KANK2: variants seen among roughly 807,000 people sequenced by gnomAD.
The protein encoded by KANK2 is KN motif and ankyrin repeat domains 2.
A neutral mutation model predicts 74.6 loss-of-function variants in KANK2; 41 were observed. The observed-to-expected ratio is 0.55, with a 90% CI of 0.43 to 0.71. The LOEUF (loss-of-function observed/expected upper bound fraction) is 0.71. KANK2 is among the 30% of genes least tolerant of loss of function. The probability of loss-of-function intolerance (pLI) is 0.00; values close to 1 mark genes in which losing one functional copy is unlikely to be tolerated. For synonymous variants in KANK2, 537 were observed against 519.0 expected (o/e 1.03, Z -0.47); for missense variants, 1,148 against 1,196.4 (o/e 0.96, Z 0.60).
rs2078891298 is a variant in KANK2 at position 11,192,834 on chromosome 19, C to T, written c.1246G>A (p.Ala416Thr). ...SITERSCDGA[A>T]GLPEVPAESS... ...CTGCCTGCCTGCGACCGCTTACCTG[C>T]TGCTCCATCGCAGCTTCGCTCTGTG... is the stretch of plus-strand genomic sequence containing the variant. Residue 416 changes from alanine to threonine, a missense_variant, in exon 4 of 13, where the codon GCA (alanine) becomes ACA (threonine). Coordinates refer to ENST00000586659, the MANE Select transcript of KANK2 (RefSeq NM_001136191.3). 9 of 1,565,964 alleles carry T rather than the reference C, an allele frequency of 5.7e-6. No homozygotes were observed. The highest frequency in any genetic ancestry group is 7.8e-6 in the Non-Finnish European group (9 of 1,152,996).
chr19:11,181,013 G>C (rs1412278836), intron 4 of KANK2, among the ~76,000 whole-genome samples: 2 of 145,750 alleles, frequency 1.4e-5, no homozygotes, highest in African/African-American at 5.1e-5. Context: ...CTTGAACCCG[G>C]AAGGCGGAGG....
chr19:11,190,684 T>C (rs1036789342), intron 4 of KANK2, among the ~76,000 whole-genome samples: 2 of 152,144 alleles, frequency 1.3e-5, no homozygotes, highest in Non-Finnish European at 2.9e-5. Context: ...CAGCATGAGT[T>C]TGAACGCACC....
Position 11,193,402 on chromosome 19 carries a change from G to A in KANK2, c.678C>T (p.Leu226=), listed in dbSNP as rs374890373. The A allele has an allele frequency of 7.0e-5, 113 of 1,612,690 alleles. No homozygotes were observed. Among genetic ancestry groups the A allele is most frequent in the Admixed American group, 4.8e-4 (29 of 60,012 alleles). Residue 226 remains leucine (L), a synonymous_variant, in exon 4 of 13, where the codon CTC becomes CTT. Coordinates refer to ENST00000586659, the MANE Select transcript of KANK2 (RefSeq NM_001136191.3). The surrounding 1 kb of genome is among the most constrained non-coding windows in gnomAD (Gnocchi z 9.6). ...ACTTCTGGCTCTTAAGTTGTACTGTGAGCTGCCGCTTTTCCTCCTGGAGCA... is the reference window on the plus strand; with the variant it reads ...ACTTCTGGCTCTTAAGTTGTACTGTAAGCTGCCGCTTTTCCTCCTGGAGCA... ...LSVLQEEKRQ[L]TVQLKSQKFL...
chr19:11,191,608 AT>A (rs1250490095), intron 4 of KANK2, among the ~76,000 whole-genome samples: 1 of 152,202 alleles, frequency 6.6e-6, no homozygotes, highest in African/African-American at 2.4e-5. Flanking sequence ...CCCCTCTGGG[AT>A]TTTTACTGGT....
In KANK2 at chr19:11,193,676, AGACGGC is replaced by A. The variant is rs1432857518; in HGVS notation, c.398_403del (p.Arg133_Arg134del). The A allele has an allele frequency of 3.7e-6, 6 of 1,606,064 alleles. No homozygotes were observed. The African/African-American group carries it at 8.0e-5, about 21-fold the overall frequency. On this transcript the variant is annotated inframe_deletion, in exon 4 of 13. Transcript: ENST00000586659. This position sits in a 1 kb window ranked among gnomAD's most constrained non-coding sequence, Gnocchi z 9.6. Reference sequence around the variant, plus strand: ...GGTGGGTGTGGCCGCCTGGTCCTCGAGACGGCGACGGGCATCCAGCAGCGTGCGCTC... The same window carrying A: ...GGTGGGTGTGGCCGCCTGGTCCTCGAGACGGGCATCCAGCAGCGTGCGCTC...
chr19:11,186,161 G>A (rs1357270649), intron 4 of KANK2, among the ~76,000 whole-genome samples: 2 of 152,184 alleles, frequency 1.3e-5, no homozygotes. Context: ...GCCAAGGCGG[G>A]TGGATCACCT....
At chr19:11,179,669 G>A (rs1425534273) in intron 4 of KANK2, among the ~76,000 whole-genome samples, 1 of 151,642 alleles carries the variant, frequency 6.6e-6, no homozygotes, top group Non-Finnish European at 1.5e-5. Context: ...AACACATCCT[G>A]ACTAAAAAAA....
intron 4 of KANK2, among the ~76,000 whole-genome samples, chr19:11,189,115 CCA>C (rs1212119540): frequency 1.1e-4 from 16 of 146,760 alleles, no homozygotes; most frequent in Non-Finnish European, 2.4e-4. Context: ...CCACCCCCGC[CCA>C]CAAGATTGGT....
intron 4 of KANK2, among the ~76,000 whole-genome samples, chr19:11,186,978 G>A (rs1272814553): frequency 6.6e-6 from 1 of 151,862 alleles, no homozygotes; most frequent in African/African-American, 2.4e-5. Flanking sequence ...AAGAGGGTAG[G>A]TGGGTGGGGT....
rs143366219 is a variant in KANK2, at chr19:11,165,085, A to G, written c.*1473T>C. On this transcript the variant is annotated 3_prime_UTR_variant, in exon 13 of 13. Transcript: ENST00000586659. ...GCTCACCAAGGAAAAGGCACAAGAAAGACAATGATGTGGAGATTCTTAGGG... is the reference window on the plus strand; with the variant it reads ...GCTCACCAAGGAAAAGGCACAAGAAGGACAATGATGTGGAGATTCTTAGGG... 10 of 152,296 alleles carry G rather than the reference A, an allele frequency of 6.6e-5. No individual in the cohort carries two copies. The highest frequency in any genetic ancestry group is 1.7e-4 in the African/African-American group (7 of 41,568). The allele number at this position is 152,296 out of a possible 1,614,324, so 9.4% of individuals were successfully genotyped here.
At chr19:11,184,244 C>A in intron 4 of KANK2, among the ~76,000 whole-genome samples, 2 of 142,178 alleles carry the variant, frequency 1.4e-5, no homozygotes, top group Non-Finnish European at 1.6e-5. Flanking sequence ...AGTATGCTGG[C>A]AGGCACCTGT....
At chr19:11,175,552 C>T (rs1237745481) in intron 8 of KANK2, among the ~76,000 whole-genome samples, 4 of 151,814 alleles carry the variant, frequency 2.6e-5, no homozygotes, top group Admixed American at 2.6e-4. Flanking sequence ...TCCCAAAGCA[C>T]CAGGATGACA....
At chr19:11,176,039 C>T (rs772721305) in intron 7 of KANK2, 50 bp from the exon 8 acceptor site, 1 of 1,444,500 alleles carries the variant, frequency 6.9e-7, no homozygotes, top group Non-Finnish European at 9.7e-7. Flanking sequence ...GCTGCGGTGC[C>T]TGGGAAGGGA....
chr19:11,189,752 T>C (rs2078787281), intron 4 of KANK2, among the ~76,000 whole-genome samples: 1 of 151,988 alleles, frequency 6.6e-6, no homozygotes, highest in African/African-American at 2.4e-5. Flanking sequence ...AGGCAGCAGC[T>C]TGAATGCAAA....
In KANK2 at chr19:11,176,834, G is replaced by T. The variant is rs746458095; in HGVS notation, c.1521-17C>A. 6 of 1,494,972 alleles carry T rather than the reference G, an allele frequency of 4.0e-6. No individual in the cohort carries two copies. The highest frequency in any genetic ancestry group is 2.3e-5 in the Admixed American group (1 of 43,470). The allele number at this position is 1,494,972 out of a possible 1,614,324, so 92.6% of individuals were successfully genotyped here. On this transcript the variant is annotated splice_polypyrimidine_tract_variant and intron_variant, in intron 6 of 12. Transcript: ENST00000586659. ...GACTCATACCTGGGGAGGAACGAGC[G>T]GGGAGGGGGAGATGCTGCAGGTGGG...
chr19:11,181,890 A>T (rs1253640096), intron 4 of KANK2, among the ~76,000 whole-genome samples: 1 of 151,792 alleles, frequency 6.6e-6, no homozygotes, highest in Non-Finnish European at 1.5e-5. Flanking sequence ...ACTGAATTAC[A>T]TACTCAAACA....
rs1242559907 is a variant in KANK2, at chr19:11,164,610, A to AAAGCTGCGACCTTCCCC, written c.*1931_*1947dup. On this transcript the variant is annotated 3_prime_UTR_variant, in exon 13 of 13. Transcript: ENST00000586659. The stretch of plus-strand genomic sequence containing the variant: ...CTTGTACCGCTTCTCAAAGCTGCCC[A>AAAGCTGCGACCTTCCCC]AAGCTGCGACCTTCCCCCTCAGACA... 1 of 152,196 alleles carries AAAGCTGCGACCTTCCCC rather than the reference A, an allele frequency of 6.6e-6. No individual in the cohort carries two copies. Among genetic ancestry groups the AAAGCTGCGACCTTCCCC allele is most frequent in the Non-Finnish European group, 1.5e-5 (1 of 68,042 alleles). 9.4% of individuals were successfully genotyped at this position (152,196 alleles called of 1,614,324 possible).
intron 6 of KANK2, among the ~76,000 whole-genome samples, chr19:11,177,474 C>T (rs1287444184): frequency 1.3e-5 from 2 of 152,120 alleles, no homozygotes; most frequent in African/African-American, 4.8e-5. Flanking sequence ...CCTGCCTCAG[C>T]CTCCCAAGTA....
At chr19:11,185,958 G>A (rs1306780415) in intron 4 of KANK2, among the ~76,000 whole-genome samples, 1 of 152,216 alleles carries the variant, frequency 6.6e-6, no homozygotes, top group African/African-American at 2.4e-5. Context: ...TTGAGCCCGA[G>A]AGGTTTAGGC....
Sources: allele counts gnomAD v4.1 joint callset (sites outside exome capture counted in the v4.1 genomes callset), GRCh38; gene constraint gnomAD v4.1.1; non-coding constraint Gnocchi (gnomAD v3.1); transcripts MANE v1.5; gene names NCBI Gene and HGNC (gene_info 2026-07-23, HGNC 2026-07-21).